The following RNF145 variants were observed in gnomAD, a reference collection of about 807,000 sequenced individuals.
RNF145 encodes the protein ring finger protein 145.
In RNF145, 12 loss-of-function variants were observed where a neutral mutation model predicts 57.3. The observed-to-expected ratio is 0.21, with a 90% CI of 0.13 to 0.34. The LOEUF (loss-of-function observed/expected upper bound fraction) is 0.34. RNF145 is among the 10% of genes least tolerant of loss of function. The probability of loss-of-function intolerance (pLI) is 1.00; values close to 1 mark genes in which losing one functional copy is unlikely to be tolerated. For missense variants in RNF145, 429 were observed against 799.0 expected (o/e 0.54, Z 5.58); for synonymous variants, 262 against 288.3 (o/e 0.91, Z 0.92).
intron 2 of RNF145, among the ~76,000 whole-genome samples, chr5:159,195,339 A>T (rs1785422280): frequency 6.6e-6 from 1 of 152,166 alleles, no homozygotes; most frequent in Non-Finnish European, 1.5e-5. Context: ...GAGAAAAAAA[A>T]AATAAACTTC....
intron 5 of RNF145, 86 bp downstream of exon 5, chr5:159,176,546 G>T: frequency 1.2e-6 from 1 of 824,914 alleles, no homozygotes; most frequent in Non-Finnish European, 1.9e-6. Context: ...TACCATAACT[G>T]TGAAATAAAA....
chr5:159,201,896 T>C (rs1465817268), intron 2 of RNF145, among the ~76,000 whole-genome samples: 1 of 151,914 alleles, frequency 6.6e-6, no homozygotes, highest in African/African-American at 2.4e-5. Context: ...AGATACATTA[T>C]TTTATTAAGG....
At chr5:159,189,332 G>T (rs368300793) in intron 3 of RNF145, among the ~76,000 whole-genome samples, 1 of 152,070 alleles carries the variant, frequency 6.6e-6, no homozygotes, top group Non-Finnish European at 1.5e-5. Flanking sequence ...ATTTACACAC[G>T]GTCAATGAAC....
At position 159,184,530 on chromosome 5, in the gene RNF145, G is replaced by A. The variant is rs374130658; in HGVS notation, c.294-2479C>T. Among the ~76,000 whole-genome samples, 29 of 152,242 alleles carry A rather than the reference G, an allele frequency of 1.9e-4. 3 individuals are homozygous for A. Among genetic ancestry groups the A allele is most frequent in the Admixed American group, 7.2e-4 (11 of 15,302 alleles). ...ATTATGATGATGATCAGTGCTGTAAGAAAAAATACAGAATGCTGTGAGGAT... is the reference window on the plus strand; with the variant it reads ...ATTATGATGATGATCAGTGCTGTAAAAAAAAATACAGAATGCTGTGAGGAT... On this transcript the variant is annotated intron_variant, in intron 3 of 10. Transcript: ENST00000424310.
At position 159,158,528 on chromosome 5, in the gene RNF145, A is replaced by C. The variant is rs948259868; in HGVS notation, c.*142T>G. ...GGATGAAAGCAGGTGGTCCCCACTG[A>C]GAGTACTTCCTGGATTAGATCCTTG... is the stretch of plus-strand genomic sequence containing the variant. On this transcript the variant is annotated 3_prime_UTR_variant, in exon 11 of 11. Transcript: ENST00000424310. 2.7e-4 allele frequency: 290 copies of C among 1,073,214 alleles called. 2 individuals are homozygous for C. Among genetic ancestry groups the C allele is most frequent in the Non-Finnish European group, 5.6e-5 (42 of 750,558 alleles). 66.5% of individuals were successfully genotyped at this position (1,073,214 alleles called of 1,614,324 possible).
intron 8 of RNF145, among the ~76,000 whole-genome samples, chr5:159,167,798 C>T (rs912057543): frequency 8.5e-5 from 13 of 152,100 alleles, no homozygotes; most frequent in Non-Finnish European, 1.9e-4. Context: ...GATTTTTCAG[C>T]CATCCTACCA....
In RNF145 at chr5:159,158,952, G is replaced by C; in HGVS notation, c.1710C>G (p.Thr570=). 1 of 1,613,946 alleles carries C rather than the reference G, an allele frequency of 6.2e-7. No individual in the cohort carries two copies. The highest frequency in any genetic ancestry group is 2.2e-5 in the East Asian group (1 of 44,880). ...TCAGATGGCAGTGGCACAGAGGGCAGGTCTCCTGGACATACAGCCATTTCT... is the reference window on the plus strand; with the variant it reads ...TCAGATGGCAGTGGCACAGAGGGCACGTCTCCTGGACATACAGCCATTTCT... ...CLKKWLYVQE[T]CPLCHCHLKN... The change falls in exon 11 of 11, where the codon ACC becomes ACG. Residue 570 remains threonine, a synonymous_variant. Transcript: ENST00000424310.
intron 6 of RNF145, among the ~76,000 whole-genome samples, chr5:159,171,111 T>C (rs1784539226): frequency 6.6e-6 from 1 of 152,146 alleles, no homozygotes; most frequent in African/African-American, 2.4e-5. Flanking sequence ...AAAAGTCTGG[T>C]TTTCTGTTAG....
intron 10 of RNF145, among the ~76,000 whole-genome samples, chr5:159,160,274 C>T (rs74611948): frequency 6.6e-6 from 1 of 152,072 alleles, no homozygotes; most frequent in Admixed American, 6.5e-5. Context: ...TCAGACCCCT[C>T]AAATGCAAAA....
chr5:159,187,611 G>A (rs1458780177), intron 3 of RNF145, among the ~76,000 whole-genome samples: 1 of 152,108 alleles, frequency 6.6e-6, no homozygotes, highest in Non-Finnish European at 1.5e-5. Flanking sequence ...ACAGGCGTGT[G>A]CCACCACTCC....
At chr5:159,204,404 G>A (rs1785791131) in intron 1 of RNF145, among the ~76,000 whole-genome samples, 1 of 151,890 alleles carries the variant, frequency 6.6e-6, no homozygotes, top group East Asian at 1.9e-4. Context: ...GGCAGGGGGA[G>A]GAGGAAATGA....
At chr5:159,187,812 C>T (rs1478654838) in intron 3 of RNF145, among the ~76,000 whole-genome samples, 9 of 152,096 alleles carry the variant, frequency 5.9e-5, no homozygotes. Flanking sequence ...GCATACCCTG[C>T]CCAAAATACT....
intron 1 of RNF145, 26 bp from the exon 2 acceptor site, chr5:159,203,682 A>T: frequency 6.7e-7 from 1 of 1,490,272 alleles, no homozygotes. Context: ...CACAATATAT[A>T]AAAATAAAAA....
intron 2 of RNF145, among the ~76,000 whole-genome samples, chr5:159,199,089 A>G (rs1785573091): frequency 6.6e-6 from 1 of 152,202 alleles, no homozygotes; most frequent in African/African-American, 2.4e-5. Flanking sequence ...ACAATCTATT[A>G]ACAGTTGGGA....
intron 2 of RNF145, among the ~76,000 whole-genome samples, chr5:159,196,181 T>C (rs373049882): frequency 2.6e-5 from 4 of 152,296 alleles, no homozygotes; most frequent in South Asian, 2.1e-4. Context: ...CAGGATGGCT[T>C]TGAATACAGC....
chr5:159,189,645 ATT>A (rs1034246629), intron 3 of RNF145, among the ~76,000 whole-genome samples: 61 of 152,356 alleles, frequency 4.0e-4, no homozygotes, highest in African/African-American at 1.3e-3. Context: ...CTGTACATGA[ATT>A]GTCATAACAT....
At chr5:159,208,442 T>C (rs1405603803) in intron 1 of RNF145, among the ~76,000 whole-genome samples, 1 of 151,816 alleles carries the variant, frequency 6.6e-6, no homozygotes, top group African/African-American at 2.4e-5. Context: ...TGAGGGTCCT[T>C]GGGTGGGGAA....
intron 4 of RNF145, among the ~76,000 whole-genome samples, chr5:159,181,139 A>G (rs1403282022): frequency 2.6e-5 from 4 of 151,866 alleles, no homozygotes; most frequent in Non-Finnish European, 1.5e-5. Flanking sequence ...AAAAAAAAAA[A>G]AAAAGTTTTT....
Position 159,191,266 on chromosome 5 carries a change from G to C in RNF145, c.293+3450C>G, listed in dbSNP as rs970046177. Reference sequence around the variant, plus strand: ...TAGGTAAGGAAACAATTTGTATCAAGTCTGATTCTAAAGTTAATTTTCCTT... The same window carrying C: ...TAGGTAAGGAAACAATTTGTATCAACTCTGATTCTAAAGTTAATTTTCCTT... On this transcript the variant is annotated intron_variant, in intron 3 of 10. Transcript: ENST00000424310. 1.1e-4 allele frequency among the ~76,000 whole-genome samples: 16 copies of C among 152,238 alleles called. No homozygotes were observed. In the Middle Eastern group the frequency reaches 0.01, roughly 97 times the overall value.
Sources: gnomAD v4.1 joint callset for allele counts (sites outside exome capture counted in the v4.1 genomes callset) on GRCh38, gnomAD v4.1.1 for gene constraint, MANE v1.5 for transcripts, NCBI Gene and HGNC (gene_info 2026-07-23, HGNC 2026-07-21) for gene names.